DGKB: variants seen among roughly 807,000 people sequenced by gnomAD.
DGKB encodes the protein 90 kDa diacylglycerol kinase.
DGKB carries 67 observed loss-of-function variants against 114.3 expected under a neutral mutation model. The ratio of observed to expected loss-of-function variants is 0.59; its 90% CI spans 0.48 to 0.72. The LOEUF (loss-of-function observed/expected upper bound fraction) is 0.72. DGKB is among the 30% of genes least tolerant of loss of function. The probability of loss-of-function intolerance (pLI) is 0.00; values close to 1 mark genes in which losing one functional copy is unlikely to be tolerated. For missense variants in DGKB, 907 were observed against 975.2 expected (o/e 0.93, Z 0.93); for synonymous variants, 398 against 323.1 (o/e 1.23, Z -2.49).
rs138981876 is a variant in DGKB at position 14,583,484 on chromosome 7, A to G, written c.1434-347T>C. 4.6e-5 allele frequency among the ~76,000 whole-genome samples: 7 copies of G among 152,336 alleles called. No individual in the cohort carries two copies. The East Asian group carries it at 1.3e-3, about 29-fold the overall frequency. On this transcript the variant is annotated intron_variant, in intron 17 of 25. Coordinates refer to ENST00000402815, the MANE Select transcript of DGKB (RefSeq NM_001350709.2). ...GTTCGCATAACCCAGAATGACATAT[A>G]CTACATTATTTCATTTAATAAATTT...
chr7:14,491,657 A>T (rs1231230244), intron 20 of DGKB, among the ~76,000 whole-genome samples: 1 of 152,072 alleles, frequency 6.6e-6, no homozygotes, highest in Non-Finnish European at 1.5e-5. Flanking sequence ...TGTGTCCATA[A>T]TTCTATTCTT....
chr7:14,529,896 T>C (rs956652762), intron 20 of DGKB, among the ~76,000 whole-genome samples: 3 of 151,874 alleles, frequency 2.0e-5, no homozygotes, highest in African/African-American at 7.2e-5. Context: ...TATTCTCTTG[T>C]CCAATTAGTT....
At chr7:14,937,274 T>C (rs1180349938) in intron 1 of DGKB, among the ~76,000 whole-genome samples, 1 of 152,040 alleles carries the variant, frequency 6.6e-6, no homozygotes, top group Non-Finnish European at 1.5e-5. Context: ...TTCTGATTTA[T>C]ATAAAGTTTA....
At chr7:14,452,691 A>C (rs559883971) in intron 21 of DGKB, among the ~76,000 whole-genome samples, 59 of 152,232 alleles carry the variant, frequency 3.9e-4, no homozygotes, top group Admixed American at 1.2e-3. Flanking sequence ...CATAGGTAGA[A>C]TGCAAAAAGG....
chr7:14,673,078 A>G, intron 12 of DGKB, 51 bp from the exon 13 acceptor site: 1 of 996,738 alleles, frequency 1.0e-6, no homozygotes. Context: ...ACAACGCCTA[A>G]CATGGGGGAG....
intron 21 of DGKB, among the ~76,000 whole-genome samples, chr7:14,416,653 T>C (rs1210544257): frequency 6.6e-6 from 1 of 152,086 alleles, no homozygotes; most frequent in African/African-American, 2.4e-5. Flanking sequence ...GGAAACACCT[T>C]TCACTTGGCT....
intron 21 of DGKB, among the ~76,000 whole-genome samples, chr7:14,463,021 G>A (rs1294651540): frequency 6.6e-6 from 1 of 152,066 alleles, no homozygotes; most frequent in Non-Finnish European, 1.5e-5. Flanking sequence ...AAAGGTGTTG[G>A]GAAAACTGGC....
At chr7:14,237,387 ATTGTCCTTTATTCCTTCAAGAGAC>A (rs1792965269) in intron 23 of DGKB, among the ~76,000 whole-genome samples, 1 of 150,392 alleles carries the variant, frequency 6.6e-6, no homozygotes. Context: ...TGGTTTGTGT[ATTGTCCTTTATTCCTTCAAGAGAC>A]AGGCTGTGAA....
At chr7:14,610,040 CAT>C (rs781670963) in intron 16 of DGKB, among the ~76,000 whole-genome samples, 2 of 151,946 alleles carry the variant, frequency 1.3e-5, no homozygotes, top group Non-Finnish European at 2.9e-5. Flanking sequence ...CGAAGGAAAA[CAT>C]ACCATATACC....
chr7:14,617,119 T>C (rs1297868665), intron 15 of DGKB, among the ~76,000 whole-genome samples: 7 of 151,736 alleles, frequency 4.6e-5, no homozygotes, highest in Non-Finnish European at 1.0e-4. Context: ...TTTAATGATC[T>C]CATCTTATCT....
At chr7:14,815,555 G>C (rs1204234381) in intron 2 of DGKB, among the ~76,000 whole-genome samples, 1 of 152,094 alleles carries the variant, frequency 6.6e-6, no homozygotes, top group African/African-American at 2.4e-5. Flanking sequence ...TGCTTACATA[G>C]GTGCTATGGC....
chr7:14,937,485 A>G (rs1785336236), intron 1 of DGKB, among the ~76,000 whole-genome samples: 1 of 152,170 alleles, frequency 6.6e-6, no homozygotes, highest in African/African-American at 2.4e-5. Context: ...ATTACTATAT[A>G]TAGTCTGTGT....
chr7:14,671,054 T>A (rs1371576592), intron 13 of DGKB, among the ~76,000 whole-genome samples: 1 of 152,146 alleles, frequency 6.6e-6, no homozygotes, highest in Non-Finnish European at 1.5e-5. Flanking sequence ...ATAATATGGG[T>A]CCTGCAGGTG....
intron 10 of DGKB, among the ~76,000 whole-genome samples, chr7:14,683,845 T>C (rs1458782358): frequency 6.6e-6 from 1 of 152,032 alleles, no homozygotes; most frequent in Non-Finnish European, 1.5e-5. Context: ...TTCTCCTCCG[T>C]ATTAAAAATA....
intron 13 of DGKB, among the ~76,000 whole-genome samples, chr7:14,670,734 G>A (rs961149240): frequency 3.3e-5 from 5 of 151,984 alleles, no homozygotes; most frequent in Non-Finnish European, 5.9e-5. Flanking sequence ...TATCTTCAGG[G>A]ATCAACATTC....
intron 25 of DGKB, among the ~76,000 whole-genome samples, chr7:14,173,528 G>A (rs1188291104): frequency 1.3e-5 from 2 of 152,036 alleles, no homozygotes; most frequent in African/African-American, 2.4e-5. Flanking sequence ...CAGAACTTCT[G>A]CTCTCCTCTA....
intron 21 of DGKB, among the ~76,000 whole-genome samples, chr7:14,357,534 T>A (rs2128621465): frequency 6.6e-6 from 1 of 152,302 alleles, no homozygotes; most frequent in South Asian, 2.1e-4. Context: ...TACCAATGGG[T>A]CTTGACTCTT....
chr7:14,898,092 T>A (rs933083912), intron 1 of DGKB, among the ~76,000 whole-genome samples: 1 of 151,986 alleles, frequency 6.6e-6, no homozygotes, highest in Non-Finnish European at 1.5e-5. Context: ...ATAGAAAGAC[T>A]GTTGGGCCCG....
At chr7:14,856,027 A>T (rs1464633267) in intron 1 of DGKB, among the ~76,000 whole-genome samples, 1 of 147,632 alleles carries the variant, frequency 6.8e-6, no homozygotes, top group Non-Finnish European at 1.5e-5. Context: ...ACACATAATT[A>T]ACATACTCCT....
Sources: gnomAD v4.1 joint callset for allele counts (sites outside exome capture counted in the v4.1 genomes callset) on GRCh38, gnomAD v4.1.1 for gene constraint, MANE v1.5 for transcripts, NCBI Gene and HGNC (gene_info 2026-07-23, HGNC 2026-07-21) for gene names.